ZNF804A: variants seen among roughly 807,000 people sequenced by gnomAD.
ZNF804A encodes zinc finger protein 804A.
ZNF804A carries 2 observed loss-of-function variants against 16.5 expected under a neutral mutation model. The observed-to-expected ratio is 0.12, with a 90% CI of 0.05 to 0.38. ZNF804A has a LOEUF of 0.38. Among genes scored for constraint, ZNF804A ranks in the 10% least tolerant of loss-of-function variants. The probability of loss-of-function intolerance (pLI) is 0.99; values close to 1 mark genes in which losing one functional copy is unlikely to be tolerated. For synonymous variants in ZNF804A, 534 were observed against 489.6 expected, an observed-to-expected ratio of 1.09 and a Z score of -1.20; for missense variants, 1,473 against 1,390.7, an observed-to-expected ratio of 1.06 and a Z score of -0.94.
At chr2:184,785,455 T>C (rs1204105420) in intron 1 of ZNF804A, among the ~76,000 whole-genome samples, 2 of 151,884 alleles carry the variant, frequency 1.3e-5, no homozygotes, top group Non-Finnish European at 2.9e-5. Context: ...ACCACCCTTA[T>C]CATCACACCG....
chr2:184,770,919 G>C (rs1694202401), intron 1 of ZNF804A, among the ~76,000 whole-genome samples: 1 of 151,964 alleles, frequency 6.6e-6, no homozygotes, highest in Admixed American at 6.6e-5. Context: ...ATTGAAATAT[G>C]TGTGTGTTTG....
chr2:184,784,461 C>T (rs1694419383), intron 1 of ZNF804A, among the ~76,000 whole-genome samples: 1 of 151,894 alleles, frequency 6.6e-6, no homozygotes, highest in Non-Finnish European at 1.5e-5. Flanking sequence ...ATTTTCTTTG[C>T]AATCTCTCAA....
intron 1 of ZNF804A, among the ~76,000 whole-genome samples, chr2:184,689,600 A>G (rs1053625569): frequency 1.3e-5 from 2 of 152,108 alleles, no homozygotes; most frequent in African/African-American, 4.8e-5. Flanking sequence ...GCCATGCTTT[A>G]GGACTACAAG....
At chr2:184,758,832 A>G (rs1693998614) in intron 1 of ZNF804A, among the ~76,000 whole-genome samples, 1 of 151,948 alleles carries the variant, frequency 6.6e-6, no homozygotes, top group African/African-American at 2.4e-5. Context: ...ATTTTAGTAA[A>G]ATTGAGAATT....
At position 184,829,899 on chromosome 2, in the gene ZNF804A, C is replaced by CAAAAAAAA. The variant is rs1244566222; in HGVS notation, c.112-36454_112-36447dup. 7.7e-4 allele frequency among the ~76,000 whole-genome samples: 30 copies of CAAAAAAAA among 38,878 alleles called. 2 individuals carry two copies. The highest frequency in any genetic ancestry group is 2.3e-3 in the African/African-American group (25 of 10,656). The allele number at this position is 38,878 out of a possible 152,430, so 25.5% of individuals were successfully genotyped here. A position where few individuals can be genotyped will look rare whatever the true frequency, so the allele number is the denominator to read the frequency against. On this transcript the variant is annotated intron_variant, in intron 1 of 3. Coordinates refer to ENST00000302277, the MANE Select transcript of ZNF804A (RefSeq NM_194250.2). ...CAACATGTCAAAACCCTGTCTCTAC[C>CAAAAAAAA]AAAAAAAAAAAAAAAAAAAAAAACA...
chr2:184,833,448 C>A lies in ZNF804A; in HGVS notation c.112-32921C>A, dbSNP rs145794223. On this transcript the variant is annotated intron_variant, in intron 1 of 3. Transcript: ENST00000302277. Reference sequence around the variant, plus strand: ...CTACAAGCCACATGTGGCAGTTTAGCACCTGAAATGTAGCTAATGTGACCT... The same window carrying A: ...CTACAAGCCACATGTGGCAGTTTAGAACCTGAAATGTAGCTAATGTGACCT... Among the ~76,000 whole-genome samples the A allele has an allele frequency of 1.1e-3, 160 of 152,152 alleles. 2 individuals are homozygous for A. The highest frequency in any genetic ancestry group is 3.6e-3 in the African/African-American group (150 of 41,574).
chr2:184,752,254 A>C (rs1693887419), intron 1 of ZNF804A, among the ~76,000 whole-genome samples: 1 of 151,714 alleles, frequency 6.6e-6, no homozygotes, highest in African/African-American at 2.4e-5. Context: ...AGTTGACTGA[A>C]TAAAGATAAT....
chr2:184,621,467 C>T (rs951855518), intron 1 of ZNF804A, among the ~76,000 whole-genome samples: 6 of 151,568 alleles, frequency 4.0e-5, no homozygotes, highest in Non-Finnish European at 5.9e-5. Flanking sequence ...TAATTTCTGC[C>T]GTATTGTTCC....
chr2:184,716,484 G>T (rs961031159), intron 1 of ZNF804A, among the ~76,000 whole-genome samples: 1 of 151,998 alleles, frequency 6.6e-6, no homozygotes, highest in Non-Finnish European at 1.5e-5. Context: ...TAAAAATTTT[G>T]CAATATAGTA....
intron 1 of ZNF804A, among the ~76,000 whole-genome samples, chr2:184,662,462 C>A (rs1474603822): frequency 6.6e-6 from 1 of 152,146 alleles, no homozygotes; most frequent in East Asian, 1.9e-4. Flanking sequence ...TGAGATAACT[C>A]ATTAGTCTAC....
chr2:184,749,621 G>A (rs1262288275), intron 1 of ZNF804A, among the ~76,000 whole-genome samples: 1 of 151,042 alleles, frequency 6.6e-6, no homozygotes, highest in East Asian at 1.9e-4. Context: ...AAAAAATATT[G>A]TATCTTTTTT....
intron 1 of ZNF804A, among the ~76,000 whole-genome samples, chr2:184,805,041 T>G (rs760770231): frequency 6.6e-6 from 1 of 152,186 alleles, no homozygotes; most frequent in Non-Finnish European, 1.5e-5. Flanking sequence ...ATAAGGTTGA[T>G]GCTTCTGGTC....
chr2:184,847,094 T>G (rs1695531554), intron 1 of ZNF804A, among the ~76,000 whole-genome samples: 1 of 152,120 alleles, frequency 6.6e-6, no homozygotes, highest in African/African-American at 2.4e-5. Flanking sequence ...CAGAAAGAAT[T>G]TTTCTTGTTC....
At chr2:184,669,770 A>ACACT (rs1209860883) in intron 1 of ZNF804A, among the ~76,000 whole-genome samples, 1 of 151,042 alleles carries the variant, frequency 6.6e-6, no homozygotes, top group Non-Finnish European at 1.5e-5. Flanking sequence ...ACACGCACAC[A>ACACT]CACACACACA....
At chr2:184,750,866 T>A (rs901619499) in intron 1 of ZNF804A, among the ~76,000 whole-genome samples, 1 of 151,294 alleles carries the variant, frequency 6.6e-6, no homozygotes, top group African/African-American at 2.4e-5. Flanking sequence ...AAACCACCAT[T>A]CCACACTTCA....
rs569958105 is a variant in ZNF804A at position 184,631,786 on chromosome 2, A to G, written c.111+32716A>G. The stretch of plus-strand genomic sequence containing the variant: ...AATTGATAACTTTGATTTATGAAAC[A>G]AAATCACTCCAAAAAGCTTATTGTC... On this transcript the variant is annotated intron_variant, in intron 1 of 3. Coordinates refer to ENST00000302277, the MANE Select transcript of ZNF804A (RefSeq NM_194250.2). Among the ~76,000 whole-genome samples the G allele has an allele frequency of 1.5e-4, 23 of 152,318 alleles. No homozygotes were observed. In the South Asian group the frequency reaches 4.6e-3, roughly 30 times the overall value.
intron 2 of ZNF804A, among the ~76,000 whole-genome samples, chr2:184,882,558 C>A (rs1376293271): frequency 6.6e-6 from 1 of 151,688 alleles, no homozygotes; most frequent in Non-Finnish European, 1.5e-5. Flanking sequence ...CAATGCTCAG[C>A]AAATTAAAAA....
At chr2:184,683,059 A>T (rs765109364) in intron 1 of ZNF804A, among the ~76,000 whole-genome samples, 1 of 152,138 alleles carries the variant, frequency 6.6e-6, no homozygotes, top group Non-Finnish European at 1.5e-5. Flanking sequence ...AAATAAAAAC[A>T]TCAATTTAGT....
intron 1 of ZNF804A, among the ~76,000 whole-genome samples, chr2:184,676,482 T>C (rs1477190518): frequency 6.6e-6 from 1 of 151,626 alleles, no homozygotes; most frequent in Non-Finnish European, 1.5e-5. Context: ...CAATATTAGG[T>C]TGATAATTGA....
Sources: allele counts gnomAD v4.1 joint callset (sites outside exome capture counted in the v4.1 genomes callset), GRCh38; gene constraint gnomAD v4.1.1; transcripts MANE v1.5; gene names NCBI Gene and HGNC (gene_info 2026-07-23, HGNC 2026-07-21).